The following RRM2B variants were observed in gnomAD, a reference collection of about 807,000 sequenced individuals.
The protein encoded by RRM2B is ribonucleoside-diphosphate reductase subunit M2 B.
In RRM2B, 20 loss-of-function variants were observed where a neutral mutation model predicts 45.9. The observed-to-expected ratio is 0.44, with a 90% CI of 0.31 to 0.63. RRM2B has a LOEUF of 0.63. RRM2B is among the 30% of genes least tolerant of loss of function. The pLI, the probability that RRM2B is intolerant of heterozygous loss-of-function variation, is 0.09. For synonymous variants in RRM2B, 124 were observed against 132.3 expected (o/e 0.94, Z 0.43); for missense variants, 320 against 414.7 (o/e 0.77, Z 1.98).
In RRM2B at chr8:102,238,847, C is replaced by T; in HGVS notation, c.28G>A (p.Ala10Thr). MGDPERPEAAGLDQDERSSS... is the reference protein window; with the variant it reads MGDPERPEATGLDQDERSSS... ...TTTACCTCATCCTGATCCAGCCCGG[C>T]CGCTTCCGGCCTTTCCGGGTCGCCC... The change falls in exon 1 of 9, where the codon GCC becomes ACC. Residue 10 changes from alanine to threonine, a missense_variant. By Grantham distance (58) the Ala-to-Thr change is moderately conservative. Coordinates refer to ENST00000251810, the MANE Select transcript of RRM2B (RefSeq NM_015713.5). 6.2e-7 allele frequency: 1 copy of T among 1,613,308 alleles called. No individual in the cohort carries two copies. Among genetic ancestry groups the T allele is most frequent in the Non-Finnish European group, 8.5e-7 (1 of 1,179,920 alleles).
At chr8:102,228,260 G>A (rs1810968679) in intron 2 of RRM2B, among the ~76,000 whole-genome samples, 1 of 152,160 alleles carries the variant, frequency 6.6e-6, no homozygotes, top group South Asian at 2.1e-4. Flanking sequence ...CCTTTGGAGA[G>A]GAGTCAGCTG....
intron 3 of RRM2B, among the ~76,000 whole-genome samples, 166 bp downstream of exon 3, chr8:102,225,752 G>C (rs1048635351): frequency 2.0e-5 from 3 of 152,154 alleles, no homozygotes; most frequent in Non-Finnish European, 2.9e-5. Flanking sequence ...ATAATAGTTT[G>C]CTGGTCAAAG....
intron 5 of RRM2B, among the ~76,000 whole-genome samples, chr8:102,222,821 C>CT (rs28927368): frequency 4.0e-5 from 6 of 151,880 alleles, no homozygotes; most frequent in African/African-American, 9.7e-5. Context: ...GCATGCTATT[C>CT]TTTTTTTTGG....
intron 1 of RRM2B, among the ~76,000 whole-genome samples, chr8:102,237,854 A>T (rs576136331): frequency 6.6e-6 from 1 of 152,358 alleles, no homozygotes; most frequent in Admixed American, 6.5e-5. Context: ...TAAAATCTCA[A>T]ACCTGGAATC....
intron 5 of RRM2B, among the ~76,000 whole-genome samples, chr8:102,220,741 T>G (rs367661106): frequency 6.6e-6 from 1 of 152,190 alleles, no homozygotes; most frequent in Non-Finnish European, 1.5e-5. Context: ...TAGTGGAAAA[T>G]TGGTATTGTA....
chr8:102,229,194 A>G (rs1405490542), intron 2 of RRM2B, among the ~76,000 whole-genome samples: 1 of 152,198 alleles, frequency 6.6e-6, no homozygotes, highest in Non-Finnish European at 1.5e-5. Flanking sequence ...AGGAGGTTGC[A>G]GTGAGCCAAG....
rs758012370 is a variant in RRM2B, at chr8:102,238,828, T to A, written c.47A>T (p.Glu16Val). 6.2e-7 allele frequency: 1 copy of A among 1,613,676 alleles called. No individual in the cohort carries two copies. Among genetic ancestry groups the A allele is most frequent in the Non-Finnish European group, 8.5e-7 (1 of 1,179,914 alleles). ...GGAAGACGCAACAGCAACATTTACC[T>A]CATCCTGATCCAGCCCGGCCGCTTC... ...RPEAAGLDQD[E>V]RSSSDTNESE... is the part of the protein sequence containing the mutation. Residue 16 changes from glutamate to valine, a missense_variant and splice_region_variant, in exon 1 of 9, where the codon GAG becomes GTG. This residue lies in a region of RRM2B where 48 missense variants were observed against 35.3 expected (regional missense o/e 1.36). Coordinates refer to ENST00000251810, the MANE Select transcript of RRM2B (RefSeq NM_015713.5).
intron 6 of RRM2B, among the ~76,000 whole-genome samples, chr8:102,217,827 T>TAA (rs113005118): frequency 0.011 from 1,487 of 140,496 alleles, 15 homozygotes; most frequent in African/African-American, 0.035. Flanking sequence ...CAAAAAGGTT[T>TAA]AAAAAAAAAA....
At chr8:102,233,760 C>T (rs1587187575) in intron 1 of RRM2B, among the ~76,000 whole-genome samples, 1 of 152,174 alleles carries the variant, frequency 6.6e-6, no homozygotes, top group East Asian at 1.9e-4. Flanking sequence ...TTGTAGAATC[C>T]CTTGTGCTTA....
In RRM2B at chr8:102,207,938, A is replaced by G; in HGVS notation, c.*195T>C. 1.8e-6 allele frequency: 1 copy of G among 543,112 alleles called. No homozygotes were observed. The highest frequency in any genetic ancestry group is 2.2e-5 in the South Asian group (1 of 45,944). The allele number at this position is 543,112 out of a possible 1,614,324, so 33.6% of individuals were successfully genotyped here. A position where few individuals can be genotyped will look rare whatever the true frequency, so the allele number is the denominator to read the frequency against. ...CATCTTTTATTTCAGTGACAAGACAAAAGCATTTAGGTCACACTCTTGTTG... is the reference window on the plus strand; with the variant it reads ...CATCTTTTATTTCAGTGACAAGACAGAAGCATTTAGGTCACACTCTTGTTG... On this transcript the variant is annotated 3_prime_UTR_variant, in exon 9 of 9. Coordinates refer to ENST00000251810, the MANE Select transcript of RRM2B (RefSeq NM_015713.5).
At chr8:102,213,640 A>C (rs1329422101) in intron 7 of RRM2B, among the ~76,000 whole-genome samples, 1 of 152,154 alleles carries the variant, frequency 6.6e-6, no homozygotes, top group Non-Finnish European at 1.5e-5. Flanking sequence ...TTACTTATTC[A>C]TTCTATAAAA....
intron 6 of RRM2B, among the ~76,000 whole-genome samples, chr8:102,216,028 T>G (rs1810725575): frequency 6.6e-6 from 1 of 151,052 alleles, no homozygotes; most frequent in Non-Finnish European, 1.5e-5. Flanking sequence ...TCGATATTTA[T>G]CCTACAAATT....
In RRM2B at chr8:102,205,353, T is replaced by C. The variant is rs29000290; in HGVS notation, c.*2780A>G. On this transcript the variant is annotated 3_prime_UTR_variant, in exon 9 of 9. Coordinates refer to ENST00000251810, the MANE Select transcript of RRM2B (RefSeq NM_015713.5). ...AATCAATTCATGCACAAATAAAAAA[T>C]GGCAATAGAAAAAGCAGAAAAATAT... 16 of 152,254 alleles carry C rather than the reference T, an allele frequency of 1.1e-4. No homozygotes were observed. The East Asian group carries it at 2.9e-3, about 27-fold the overall frequency. 9.4% of individuals were successfully genotyped at this position (152,254 alleles called of 1,614,324 possible). A position where few individuals can be genotyped will look rare whatever the true frequency, so the allele number is the denominator to read the frequency against.
chr8:102,221,739 T>G (rs1012523036), intron 5 of RRM2B, among the ~76,000 whole-genome samples: 3 of 152,228 alleles, frequency 2.0e-5, no homozygotes, highest in African/African-American at 7.2e-5. Flanking sequence ...GCCAGCCTTC[T>G]CTGTGTTCTC....
intron 3 of RRM2B, among the ~76,000 whole-genome samples, chr8:102,225,360 AAT>A (rs1810914222): frequency 2.0e-5 from 3 of 151,374 alleles, no homozygotes; most frequent in Middle Eastern, 6.8e-3. Context: ...CAGCCTCCCA[AAT>A]AGCTGGGGCT....
chr8:102,235,595 C>A (rs923758255), intron 1 of RRM2B, among the ~76,000 whole-genome samples: 1 of 152,166 alleles, frequency 6.6e-6, no homozygotes, highest in African/African-American at 2.4e-5. Flanking sequence ...AATCCCAGCA[C>A]TTTCGGAGGC....
At chr8:102,233,281 C>A (rs1357348762) in intron 1 of RRM2B, among the ~76,000 whole-genome samples, 1 of 152,132 alleles carries the variant, frequency 6.6e-6, no homozygotes, top group East Asian at 1.9e-4. Flanking sequence ...AGAAGAAAGC[C>A]CAAAATACAA....
At chr8:102,225,621 T>C (rs1456197321) in intron 3 of RRM2B, among the ~76,000 whole-genome samples, 1 of 152,220 alleles carries the variant, frequency 6.6e-6, no homozygotes, top group Non-Finnish European at 1.5e-5. Flanking sequence ...CAGTGTTCTA[T>C]TACAGAGCTC....
At position 102,214,148 on chromosome 8, in the gene RRM2B, C is replaced by T. The variant is rs1810684801; in HGVS notation, c.695G>A (p.Cys232Tyr). 6.2e-7 allele frequency: 1 copy of T among 1,611,204 alleles called. No homozygotes were observed. Among genetic ancestry groups the T allele is most frequent in the Admixed American group, 1.7e-5 (1 of 59,976 alleles). ...ELISRDEGLH[C>Y]DFACLMFQYL... ...TTGGAACATCAGGCAAGCAAAGTCA[C>T]AGTGAAGTCCCTAAAAGGGAAGAAA... Residue 232 changes from cysteine to tyrosine, a missense_variant, in exon 7 of 9, where the codon TGT (cysteine) becomes TAT (tyrosine). By Grantham distance (194) the Cys-to-Tyr change is radical (BLOSUM62 -2). This residue lies in a region of RRM2B where 225 missense variants were observed against 289.4 expected (regional missense o/e 0.78). Coordinates refer to ENST00000251810, the MANE Select transcript of RRM2B (RefSeq NM_015713.5).
Sources: allele counts gnomAD v4.1 joint callset (sites outside exome capture counted in the v4.1 genomes callset), GRCh38; gene constraint gnomAD v4.1.1; regional missense constraint gnomAD v4.1.1; transcripts MANE v1.5; gene names NCBI Gene and HGNC (gene_info 2026-07-23, HGNC 2026-07-21).